UBE2R2: variants seen among roughly 807,000 people sequenced by gnomAD.
UBE2R2 encodes the protein ubiquitin conjugating enzyme E2 R2, also known as ubiquitin-conjugating enzyme E2 R2.
A neutral mutation model predicts 27.8 loss-of-function variants in UBE2R2; 1 was observed. The ratio of observed to expected loss-of-function variants is 0.04; its 90% CI spans 0.01 to 0.17. UBE2R2 has a LOEUF of 0.17. Ranked by LOEUF, UBE2R2 falls within the 10% of genes least tolerant of loss-of-function variation. The pLI, the probability that UBE2R2 is intolerant of heterozygous loss-of-function variation, is 1.00. For synonymous variants in UBE2R2, 106 were observed against 113.3 expected (o/e 0.94, Z 0.41); for missense variants, 100 against 291.0 (o/e 0.34, Z 4.78).
At chr9:33,871,734 G>A (rs902242374) in intron 1 of UBE2R2, among the ~76,000 whole-genome samples, 2 of 151,944 alleles carry the variant, frequency 1.3e-5, no homozygotes, top group Non-Finnish European at 2.9e-5. Flanking sequence ...TTTTTGAGAC[G>A]GAGTCTCGCT....
chr9:33,816,914 CGCT>C (rs1825778745), upstream of UBE2R2, among the ~76,000 whole-genome samples: 1 of 152,240 alleles, frequency 6.6e-6, no homozygotes, highest in East Asian at 1.9e-4. Context: ...CCTTGGTCCC[CGCT>C]GCTTCTGGGA....
chr9:33,854,423 G>A (rs1415005447), intron 1 of UBE2R2, among the ~76,000 whole-genome samples: 2 of 151,876 alleles, frequency 1.3e-5, no homozygotes, highest in East Asian at 1.9e-4. Context: ...GGATTCAAGC[G>A]ATTCTCCTGC....
intron 1 of UBE2R2, among the ~76,000 whole-genome samples, chr9:33,821,623 T>A (rs1587421457): frequency 6.6e-6 from 1 of 151,990 alleles, no homozygotes; most frequent in Non-Finnish European, 1.5e-5. Context: ...AAAAAAAATT[T>A]TTTTTTTTTT....
Position 33,817,829 on chromosome 9 carries a change from G to A in UBE2R2, c.72G>A (p.Pro24=). 1.2e-6 allele frequency: 2 copies of A among 1,612,760 alleles called. No individual in the cohort carries two copies. Among genetic ancestry groups the A allele is most frequent in the Admixed American group, 1.7e-5 (1 of 59,966 alleles). The change falls in exon 1 of 5, where the codon CCG becomes CCA. Residue 24 remains proline (P), a synonymous_variant. Transcript: ENST00000263228. ...AGCTGAAATCCCTGCAGGAGGAACC[G>A]GTGGAGGGCTTCCGGATCACCCTGG... is the stretch of plus-strand genomic sequence containing the variant. The part of the protein sequence containing the change: ...MLELKSLQEE[P]VEGFRITLVD...
intron 2 of UBE2R2, among the ~76,000 whole-genome samples, chr9:33,898,325 C>T (rs1822168738): frequency 6.6e-6 from 1 of 152,108 alleles, no homozygotes; most frequent in South Asian, 2.1e-4. Context: ...TGTGCTCTGC[C>T]TGCCTCAGCC....
intron 1 of UBE2R2, among the ~76,000 whole-genome samples, chr9:33,870,959 G>A (rs553264112): frequency 2.8e-4 from 42 of 152,208 alleles, no homozygotes; most frequent in Middle Eastern, 6.8e-3. Flanking sequence ...TCAAAAATAC[G>A]TTTTGTGTTT....
chr9:33,822,671 C>T (rs1820177518), intron 1 of UBE2R2, among the ~76,000 whole-genome samples: 1 of 151,938 alleles, frequency 6.6e-6, no homozygotes, highest in African/African-American at 2.4e-5. Context: ...ACAATCCTCC[C>T]ACCTTGGCCT....
chr9:33,878,878 GT>G (rs1235118234), intron 1 of UBE2R2, among the ~76,000 whole-genome samples: 1 of 152,140 alleles, frequency 6.6e-6, no homozygotes, highest in East Asian at 1.9e-4. Flanking sequence ...GGACTTATGT[GT>G]CCTGGACGAT....
chr9:33,917,343 G>GCACC lies in UBE2R2; in HGVS notation c.*106_*107insCACC. On this transcript the variant is annotated 3_prime_UTR_variant, in exon 5 of 5. Transcript: ENST00000263228. ...CTCAGCAAAAACCTATTCACAGCGG[G>GCACC]TGGGGAAACACACACAGCTCCTGCT... 1.3e-6 allele frequency: 2 copies of GCACC among 1,528,970 alleles called. No homozygotes were observed. The highest frequency in any genetic ancestry group is 1.8e-6 in the Non-Finnish European group (2 of 1,140,442). 94.7% of individuals were successfully genotyped at this position (1,528,970 alleles called of 1,614,324 possible). A position where few individuals can be genotyped will look rare whatever the true frequency, so the allele number is the denominator to read the frequency against.
At chr9:33,891,015 G>C (rs1002986809) in intron 2 of UBE2R2, among the ~76,000 whole-genome samples, 22 of 147,510 alleles carry the variant, frequency 1.5e-4, no homozygotes, top group African/African-American at 4.9e-4. Context: ...GCCAAAAATA[G>C]TTTCTTATGT....
intron 1 of UBE2R2, among the ~76,000 whole-genome samples, chr9:33,838,705 CTT>C (rs1286526668): frequency 2.6e-5 from 4 of 152,122 alleles, no homozygotes; most frequent in Non-Finnish European, 5.9e-5. Context: ...ACATTTAGCT[CTT>C]TACCTCCTTC....
intron 2 of UBE2R2, among the ~76,000 whole-genome samples, chr9:33,894,563 A>G (rs1822056252): frequency 1.3e-5 from 2 of 152,078 alleles, no homozygotes; most frequent in South Asian, 4.2e-4. Context: ...CCTCCCAAGT[A>G]GCTGGGACTA....
At position 33,919,838 on chromosome 9, in the gene UBE2R2, T is replaced by G. The variant is rs1822763075; in HGVS notation, c.*2601T>G. 6.6e-6 allele frequency: 1 copy of G among 152,196 alleles called. No individual in the cohort carries two copies. Among genetic ancestry groups the G allele is most frequent in the South Asian group, 2.1e-4 (1 of 4,826 alleles). 9.4% of individuals were successfully genotyped at this position (152,196 alleles called of 1,614,324 possible). A position where few individuals can be genotyped will look rare whatever the true frequency, so the allele number is the denominator to read the frequency against. ...AACTCAAAATCCTGCATTTTTAGAT[T>G]CCTTTTAGTTCTAATTGAGGCCTCA... On this transcript the variant is annotated 3_prime_UTR_variant, in exon 5 of 5. Transcript: ENST00000263228.
rs1217346404 is a variant in UBE2R2, at chr9:33,817,310, CCGGCCCCTG to C, written c.-440_-432del. On this transcript the variant is annotated 5_prime_UTR_variant, in exon 1 of 5. Coordinates refer to ENST00000263228, the MANE Select transcript of UBE2R2 (RefSeq NM_017811.4). Reference sequence around the variant, plus strand: ...CACCCTCTCCTGCCCCGCGCGCCCTCCGGCCCCTGCGGCCCCCGAAGAGAACGAGAGGGC... The same window carrying C: ...CACCCTCTCCTGCCCCGCGCGCCCTCCGGCCCCCGAAGAGAACGAGAGGGC... 2.0e-5 allele frequency among the ~76,000 whole-genome samples: 3 copies of C among 149,854 alleles called. No homozygotes were observed. The highest frequency in any genetic ancestry group is 4.5e-5 in the Non-Finnish European group (3 of 67,020).
intron 1 of UBE2R2, among the ~76,000 whole-genome samples, chr9:33,881,862 T>C (rs569738638): frequency 6.6e-6 from 1 of 152,292 alleles, no homozygotes; most frequent in Non-Finnish European, 1.5e-5. Flanking sequence ...CCATACTTTA[T>C]TGTTAGAAAG....
At chr9:33,852,065 A>C (rs1820980424) in intron 1 of UBE2R2, among the ~76,000 whole-genome samples, 1 of 151,936 alleles carries the variant, frequency 6.6e-6, no homozygotes, top group African/African-American at 2.4e-5. Context: ...TAATCCCAGC[A>C]CTTTGGGAGG....
chr9:33,873,389 G>A (rs756391614), intron 1 of UBE2R2, among the ~76,000 whole-genome samples: 120 of 152,116 alleles, frequency 7.9e-4, no homozygotes, highest in Non-Finnish European at 1.3e-3. Flanking sequence ...CTATTACTAA[G>A]TTATTATTTT....
chr9:33,849,261 AAAAT>A (rs929847578), intron 1 of UBE2R2, among the ~76,000 whole-genome samples: 12 of 152,088 alleles, frequency 7.9e-5, no homozygotes, highest in Non-Finnish European at 1.5e-4. Context: ...TCGTCTCAAA[AAAAT>A]AAATAAATAA....
chr9:33,845,163 T>C (rs187413476), intron 1 of UBE2R2, among the ~76,000 whole-genome samples: 1 of 152,188 alleles, frequency 6.6e-6, no homozygotes, highest in East Asian at 1.9e-4. Flanking sequence ...ATAATCTTAT[T>C]TCCTCTGGAC....
Sources: allele counts gnomAD v4.1 joint callset (sites outside exome capture counted in the v4.1 genomes callset), GRCh38; gene constraint gnomAD v4.1.1; transcripts MANE v1.5; gene names NCBI Gene and HGNC (gene_info 2026-07-23, HGNC 2026-07-21).